Variants in LRFN5 observed in about 807,000 individuals in gnomAD.
LRFN5 encodes the protein leucine-rich repeat and fibronectin type-III domain-containing protein 5.
In LRFN5, 24 loss-of-function variants were observed where a neutral mutation model predicts 45.6. The observed-to-expected ratio is 0.53, with a 90% CI of 0.38 to 0.74. The LOEUF (loss-of-function observed/expected upper bound fraction) is 0.74. Ranked by LOEUF, LRFN5 falls within the 30% of genes least tolerant of loss-of-function variation. LRFN5 has a pLI of 0.00. For missense variants in LRFN5, 776 were observed against 861.5 expected (o/e 0.90, Z 1.24); for synonymous variants, 340 against 313.8 (o/e 1.08, Z -0.88).
At chr14:41,863,782 C>G (rs1384973645) in intron 2 of LRFN5, among the ~76,000 whole-genome samples, 2 of 152,140 alleles carry the variant, frequency 1.3e-5, no homozygotes, top group Non-Finnish European at 2.9e-5. Context: ...TTTCTGCACC[C>G]ATCAAACTGT....
chr14:41,824,287 A>C (rs1271119422), intron 2 of LRFN5, among the ~76,000 whole-genome samples: 1 of 152,204 alleles, frequency 6.6e-6, no homozygotes, highest in East Asian at 1.9e-4. Flanking sequence ...CATCTGGAGA[A>C]GCTATCACTT....
intron 1 of LRFN5, among the ~76,000 whole-genome samples, chr14:41,688,149 T>C (rs1030258966): frequency 1.3e-5 from 2 of 152,142 alleles, no homozygotes; most frequent in African/African-American, 4.8e-5. Flanking sequence ...AGTAGAATAA[T>C]GGTTACCAGA....
chr14:41,802,673 C>A (rs1018064388), intron 2 of LRFN5, among the ~76,000 whole-genome samples: 1 of 152,036 alleles, frequency 6.6e-6, no homozygotes, highest in Non-Finnish European at 1.5e-5. Context: ...AACTGAAAAC[C>A]CTTCCTTCCA....
chr14:41,849,168 T>A (rs1453642008), intron 2 of LRFN5, among the ~76,000 whole-genome samples: 1 of 151,974 alleles, frequency 6.6e-6, no homozygotes, highest in Non-Finnish European at 1.5e-5. Context: ...TTACTTCCAT[T>A]AGCTATTACA....
At chr14:41,900,470 A>G (rs1207585923) in intron 5 of LRFN5, among the ~76,000 whole-genome samples, 3 of 152,108 alleles carry the variant, frequency 2.0e-5, no homozygotes, top group Non-Finnish European at 4.4e-5. Context: ...GCTTTGAATA[A>G]TAACTTTTTA....
intron 1 of LRFN5, among the ~76,000 whole-genome samples, chr14:41,655,666 C>T: frequency 6.6e-6 from 1 of 151,970 alleles, no homozygotes; most frequent in Non-Finnish European, 1.5e-5. Context: ...TAGGAAAAAA[C>T]AGAGGAGTTT....
At chr14:41,740,397 A>C (rs559269522) in intron 1 of LRFN5, among the ~76,000 whole-genome samples, 1 of 152,180 alleles carries the variant, frequency 6.6e-6, no homozygotes, top group African/African-American at 2.4e-5. Context: ...CACATAAATC[A>C]ATAAATGAGT....
At chr14:41,676,418 G>A (rs1881630986) in intron 1 of LRFN5, among the ~76,000 whole-genome samples, 1 of 152,240 alleles carries the variant, frequency 6.6e-6, no homozygotes, top group Admixed American at 6.5e-5. Context: ...TTGCAAAAGA[G>A]AGTGGAGAAC....
At position 41,738,493 on chromosome 14, in the gene LRFN5, A is replaced by G. The variant is rs187394575; in HGVS notation, c.-196-28361A>G. Among the ~76,000 whole-genome samples the G allele has an allele frequency of 5.1e-4, 77 of 152,306 alleles. No individual in the cohort carries two copies. The East Asian group carries it at 0.014, about 28-fold the overall frequency. ...ATTGCAACAAAAGCCAAAATTGACAAATGGGATCTAACCCCTTTATTTTTA... is the reference window on the plus strand; with the variant it reads ...ATTGCAACAAAAGCCAAAATTGACAGATGGGATCTAACCCCTTTATTTTTA... On this transcript the variant is annotated intron_variant, in intron 1 of 5. Coordinates refer to ENST00000298119, the MANE Select transcript of LRFN5 (RefSeq NM_152447.5).
chr14:41,753,151 C>G (rs920793308), intron 1 of LRFN5, among the ~76,000 whole-genome samples: 2 of 151,628 alleles, frequency 1.3e-5, no homozygotes, highest in Non-Finnish European at 2.9e-5. Context: ...CAGTACCATG[C>G]TGTTTTGGTT....
At chr14:41,828,471 A>G (rs1888369775) in intron 2 of LRFN5, among the ~76,000 whole-genome samples, 1 of 152,032 alleles carries the variant, frequency 6.6e-6, no homozygotes, top group Non-Finnish European at 1.5e-5. Flanking sequence ...TACATACTAA[A>G]CAAATGCTTC....
At chr14:41,854,553 T>C (rs2139082640) in intron 2 of LRFN5, among the ~76,000 whole-genome samples, 1 of 152,084 alleles carries the variant, frequency 6.6e-6, no homozygotes, top group African/African-American at 2.4e-5. Flanking sequence ...GAGAAATTGC[T>C]GAAGTAGGAA....
At chr14:41,847,521 A>C (rs10145233) in intron 2 of LRFN5, among the ~76,000 whole-genome samples, 21 of 152,078 alleles carry the variant, frequency 1.4e-4, no homozygotes. Context: ...TTAAAATTAC[A>C]TCACCATGGT....
rs35500388 is a variant in LRFN5 at position 41,708,718 on chromosome 14, C to CTT, written c.-196-58126_-196-58125dup. ...TCCCATTATGGATTTTGCTGAATTC[C>CTT]TTTTTTTTTTTACGTTTTGTTATTG... On this transcript the variant is annotated intron_variant, in intron 1 of 5. Transcript: ENST00000298119. Among the ~76,000 whole-genome samples the CTT allele has an allele frequency of 2.6e-3, 385 of 148,000 alleles. 4 individuals carry two copies. Among genetic ancestry groups the CTT allele is most frequent in the African/African-American group, 6.9e-3 (281 of 40,456 alleles).
At chr14:41,792,101 G>A (rs549434227) in intron 2 of LRFN5, among the ~76,000 whole-genome samples, 15 of 152,094 alleles carry the variant, frequency 9.9e-5, no homozygotes, top group Non-Finnish European at 2.1e-4. Flanking sequence ...CTGGGCTGCC[G>A]GGGGTGACAT....
chr14:41,826,291 C>T (rs1408119882), intron 2 of LRFN5, among the ~76,000 whole-genome samples: 2 of 152,192 alleles, frequency 1.3e-5, no homozygotes, highest in African/African-American at 4.8e-5. Flanking sequence ...GCTTTTTAAA[C>T]TAGCCTTGTA....
chr14:41,844,752 C>T (rs983572463), intron 2 of LRFN5, among the ~76,000 whole-genome samples: 6 of 152,112 alleles, frequency 3.9e-5, no homozygotes, highest in African/African-American at 1.4e-4. Context: ...ACAATTCATT[C>T]ACAGAATTTC....
intron 2 of LRFN5, among the ~76,000 whole-genome samples, chr14:41,822,920 A>T (rs1888169715): frequency 7.1e-6 from 1 of 140,964 alleles, no homozygotes; most frequent in Non-Finnish European, 1.5e-5. Context: ...TCTTGTTTTA[A>T]TGTTGTTGAT....
chr14:41,878,468 A>G (rs906822560), intron 2 of LRFN5, among the ~76,000 whole-genome samples: 13 of 152,184 alleles, frequency 8.5e-5, no homozygotes, highest in Admixed American at 2.6e-4. Context: ...TGGTTCCCAA[A>G]TAAGTACTGA....
Sources: gnomAD v4.1 joint callset for allele counts (sites outside exome capture counted in the v4.1 genomes callset) on GRCh38, gnomAD v4.1.1 for gene constraint, MANE v1.5 for transcripts, NCBI Gene and HGNC (gene_info 2026-07-23, HGNC 2026-07-21) for gene names.